Variants in ZNF81 observed in about 807,000 individuals in gnomAD.
The protein encoded by ZNF81 is zinc finger protein 81, also known as zinc finger protein 81 (HFZ20).
In ZNF81, 5 loss-of-function variants were observed where a neutral mutation model predicts 32.3. That is an observed-to-expected ratio of 0.15 (90% CI 0.08 to 0.33). The LOEUF is 0.33. ZNF81 is among the 10% of genes least tolerant of loss of function. The pLI is 1.00. For synonymous variants in ZNF81, 163 were observed against 166.8 expected (o/e 0.98, Z 0.17); for missense variants, 379 against 479.8 (o/e 0.79, Z 1.96).
rs1382909237 is a variant in ZNF81 at position 47,903,866 on chromosome X, T to C, written c.277+7926T>C. Among the ~76,000 whole-genome samples, 2 of 107,406 alleles carry C rather than the reference T, an allele frequency of 1.9e-5. 1 individual carries two copies. The highest frequency in any genetic ancestry group is 3.9e-5 in the Non-Finnish European group (2 of 51,588). The allele number at this position is 107,406 out of a possible 115,157, so 93.3% of individuals were successfully genotyped here. ...TGGTACTGGTACCAAAACAGAGATATAGACCAATGGAACAGAACAGAGCCC... is the reference window on the plus strand; with the variant it reads ...TGGTACTGGTACCAAAACAGAGATACAGACCAATGGAACAGAACAGAGCCC... On this transcript the variant is annotated intron_variant, in intron 4 of 4. Coordinates refer to ENST00000338637, the MANE Select transcript of ZNF81 (RefSeq NM_007137.5).
chrX:47,840,349 AG>A (rs1305947641), intron 1 of ZNF81, among the ~76,000 whole-genome samples: 2 of 67,709 alleles, frequency 3.0e-5, no homozygotes, highest in Non-Finnish European at 5.8e-5. Flanking sequence ...GCAGCAAAGC[AG>A]GACTCCTTCC....
intron 2 of ZNF81, among the ~76,000 whole-genome samples, chrX:47,881,685 T>C (rs2148025304): frequency 8.9e-6 from 1 of 112,365 alleles, no homozygotes; most frequent in South Asian, 3.7e-4. Context: ...GCACCAACTT[T>C]ATGGAACCTA....
At chrX:47,873,382 C>T (rs1327318380) in intron 2 of ZNF81, among the ~76,000 whole-genome samples, 2 of 111,611 alleles carry the variant, frequency 1.8e-5, no homozygotes, top group African/African-American at 6.5e-5. Flanking sequence ...ACTTGCTGTT[C>T]ACTAGTTTCC....
intron 2 of ZNF81, among the ~76,000 whole-genome samples, chrX:47,884,199 C>T (rs1278426635): frequency 3.3e-5 from 3 of 92,206 alleles, no homozygotes; most frequent in African/African-American, 4.2e-5. Context: ...GAGCTGAGAT[C>T]GCGCCACTGC....
At chrX:47,839,163 A>G (rs1235884929) in intron 1 of ZNF81, among the ~76,000 whole-genome samples, 2 of 111,566 alleles carry the variant, frequency 1.8e-5, no homozygotes, top group Non-Finnish European at 3.8e-5. Flanking sequence ...TGTTTTCTGG[A>G]AGAGACTGTG....
chrX:47,852,657 A>G (rs1569374606), intron 2 of ZNF81, among the ~76,000 whole-genome samples: 1 of 112,442 alleles, frequency 8.9e-6, no homozygotes, highest in Non-Finnish European at 1.9e-5. Context: ...CTTCACTTCT[A>G]GTTCTCTCGC....
chrX:47,891,218 A>T (rs1422387236), intron 3 of ZNF81, among the ~76,000 whole-genome samples: 1 of 112,998 alleles, frequency 8.8e-6, no homozygotes, highest in African/African-American at 3.2e-5. Context: ...TTGCCAGATC[A>T]ATAGCTGCAT....
At chrX:47,906,855 A>G (rs966196535) in intron 4 of ZNF81, among the ~76,000 whole-genome samples, 1 of 112,676 alleles carries the variant, frequency 8.9e-6, no homozygotes, top group Non-Finnish European at 1.9e-5. Flanking sequence ...CTTGAATGCA[A>G]TAGCTCATAG....
chrX:47,909,674 T>G (rs1480792727), intron 4 of ZNF81, among the ~76,000 whole-genome samples: 1 of 107,897 alleles, frequency 9.3e-6, no homozygotes, highest in Non-Finnish European at 1.9e-5. Flanking sequence ...TAGTTACATA[T>G]GTATACATGT....
In ZNF81 at chrX:47,915,269, A is replaced by G. The variant is rs1221553875; in HGVS notation, c.623A>G (p.His208Arg). 1 of 1,209,968 alleles carries G rather than the reference A, an allele frequency of 8.3e-7. No individual in the cohort carries two copies. The highest frequency in any genetic ancestry group is 1.1e-6 in the Non-Finnish European group (1 of 895,171). Residue 208 changes from histidine to arginine, a missense_variant, in exon 5 of 5, where the codon CAT becomes CGT. Transcript: ENST00000338637. ...AAGCATAATTTAGACTTACATATTC[A>G]TAATAAAAGCAATGCAGCAAAGAAC... ...SFKHNLDLHIHNKSNAAKNLD... is the reference protein window; with the variant it reads ...SFKHNLDLHIRNKSNAAKNLD...
intron 2 of ZNF81, among the ~76,000 whole-genome samples, chrX:47,849,159 A>AT (rs2058483288): frequency 8.9e-6 from 1 of 111,896 alleles, no homozygotes; most frequent in Non-Finnish European, 1.9e-5. Flanking sequence ...TTAAATATAT[A>AT]CAGGGGGGTG....
At chrX:47,908,047 A>T (rs1393131688) in intron 4 of ZNF81, among the ~76,000 whole-genome samples, 1 of 111,625 alleles carries the variant, frequency 9.0e-6, no homozygotes, top group African/African-American at 3.2e-5. Context: ...ATGATAGTAA[A>T]TTGAACTATA....
At chrX:47,895,749 T>A (rs1317165037) in intron 3 of ZNF81, 96 bp from the exon 4 acceptor site, 21 of 628,219 alleles carry the variant, frequency 3.3e-5, no homozygotes, top group Non-Finnish European at 5.5e-5. Flanking sequence ...ACCTCTGTGA[T>A]TATTACTCAG....
chrX:47,851,038 T>C (rs1556881183), intron 2 of ZNF81, among the ~76,000 whole-genome samples: 1 of 111,775 alleles, frequency 8.9e-6, no homozygotes. Context: ...TTATTCAGTG[T>C]CACTACATGT....
chrX:47,878,895 C>T (rs1355319824), intron 2 of ZNF81, among the ~76,000 whole-genome samples: 8 of 111,771 alleles, frequency 7.2e-5, no homozygotes, highest in African/African-American at 2.6e-4. Flanking sequence ...TGATTCCTTC[C>T]TCAAGGCTCT....
chrX:47,874,695 T>C (rs2058592893), intron 2 of ZNF81, among the ~76,000 whole-genome samples: 1 of 112,253 alleles, frequency 8.9e-6, no homozygotes, highest in South Asian at 3.7e-4. Flanking sequence ...TAGAATTAGA[T>C]AGCACTTGGG....
intron 2 of ZNF81, among the ~76,000 whole-genome samples, chrX:47,880,686 A>C (rs1467037399): frequency 8.9e-6 from 1 of 112,126 alleles, no homozygotes; most frequent in Non-Finnish European, 1.9e-5. Context: ...TTCATTGGCA[A>C]ACTGTTACTT....
intron 4 of ZNF81, among the ~76,000 whole-genome samples, chrX:47,905,936 C>A (rs1466147717): frequency 9.1e-6 from 1 of 110,222 alleles, no homozygotes; most frequent in Non-Finnish European, 1.9e-5. Context: ...TAATGTAATT[C>A]TCTGATTAAA....
intron 1 of ZNF81, among the ~76,000 whole-genome samples, chrX:47,843,449 A>ACACACACACACT (rs2058458298): frequency 9.1e-6 from 1 of 110,208 alleles, no homozygotes; most frequent in African/African-American, 3.3e-5. Flanking sequence ...ACACACACAC[A>ACACACACACACT]CACACACACA....
Sources: allele counts gnomAD v4.1 joint callset (sites outside exome capture counted in the v4.1 genomes callset), GRCh38; gene constraint gnomAD v4.1.1; transcripts MANE v1.5; gene names NCBI Gene and HGNC (gene_info 2026-07-23, HGNC 2026-07-21).